BMPR1B: variants seen among roughly 807,000 people sequenced by gnomAD.
The protein encoded by BMPR1B is bone morphogenetic protein receptor type 1B.
Under a neutral mutation model 59.1 loss-of-function variants are expected in BMPR1B, and 12 were observed. The ratio of observed to expected loss-of-function variants is 0.20; its 90% CI spans 0.13 to 0.33. The LOEUF (loss-of-function observed/expected upper bound fraction) is 0.33. Ranked by LOEUF, BMPR1B falls within the 10% of genes least tolerant of loss-of-function variation. The pLI is 1.00. For missense variants in BMPR1B, 550 were observed against 610.9 expected (o/e 0.90, Z 1.05); for synonymous variants, 237 against 207.3 (o/e 1.14, Z -1.23).
intron 2 of BMPR1B, among the ~76,000 whole-genome samples, chr4:94,993,760 C>CAAAAAA (rs34395946): frequency 1.0e-4 from 7 of 68,548 alleles, no homozygotes; most frequent in Admixed American, 1.9e-4. Context: ...GACTCCATCT[C>CAAAAAA]AAAAAAAAAA....
intron 3 of BMPR1B, chr4:95,103,589 A>G (rs1730976937): frequency 1.6e-6 from 1 of 636,038 alleles, no homozygotes; most frequent in Non-Finnish European, 2.0e-6. Flanking sequence ...TTTGGTGTCT[A>G]TAATTATCTC....
At chr4:95,138,941 T>C (rs778833860) in intron 10 of BMPR1B, among the ~76,000 whole-genome samples, 8 of 152,214 alleles carry the variant, frequency 5.3e-5, no homozygotes, top group Non-Finnish European at 1.2e-4. Context: ...CCGTGCAGCT[T>C]TGTTCCATTG....
rs1353620674 is a variant in BMPR1B at position 95,120,669 on chromosome 4, CT to C, written c.350-3138del. On this transcript the variant is annotated intron_variant, in intron 6 of 12. Transcript: ENST00000515059. ...TCCTTCCTTTCCTTCCTTCCTTCTT[CT>C]TTCTTTTCTTTTCTTTCTTTCTTTC... is the stretch of plus-strand genomic sequence containing the variant. Among the ~76,000 whole-genome samples, 5 of 62,210 alleles carry C rather than the reference CT, an allele frequency of 8.0e-5. No homozygotes were observed. In the East Asian group the frequency reaches 1.4e-3, roughly 18 times the overall value. 40.8% of individuals were successfully genotyped at this position (62,210 alleles called of 152,430 possible). A position where few individuals can be genotyped will look rare whatever the true frequency, so the allele number is the denominator to read the frequency against.
intron 1 of BMPR1B, among the ~76,000 whole-genome samples, chr4:94,759,214 G>A (rs1292063899): frequency 6.6e-6 from 1 of 152,218 alleles, no homozygotes; most frequent in African/African-American, 2.4e-5. Context: ...TTTCCAGCAA[G>A]GTGAGGTCAG....
chr4:95,089,500 G>A (rs1729828207), intron 3 of BMPR1B, among the ~76,000 whole-genome samples: 1 of 152,186 alleles, frequency 6.6e-6, no homozygotes, highest in South Asian at 2.1e-4. Flanking sequence ...AAATTAACAA[G>A]GCTTTTAAAG....
intron 10 of BMPR1B, among the ~76,000 whole-genome samples, chr4:95,133,803 C>G (rs1184199054): frequency 6.6e-6 from 1 of 151,516 alleles, no homozygotes; most frequent in Non-Finnish European, 1.5e-5. Flanking sequence ...CTCCTGGACT[C>G]AAGTGATCTT....
intron 1 of BMPR1B, among the ~76,000 whole-genome samples, chr4:94,796,040 C>T (rs988687386): frequency 2.4e-4 from 36 of 151,568 alleles, no homozygotes; most frequent in Non-Finnish European, 5.1e-4. Context: ...TCTCGGCTTA[C>T]TGCAACCTCT....
intron 1 of BMPR1B, among the ~76,000 whole-genome samples, chr4:94,775,237 T>C (rs1657320553): frequency 6.6e-6 from 1 of 152,172 alleles, no homozygotes; most frequent in African/African-American, 2.4e-5. Flanking sequence ...TGTTCTTTAT[T>C]TTTAGATGTC....
At chr4:94,973,863 G>A (rs1424005063) in intron 2 of BMPR1B, among the ~76,000 whole-genome samples, 1 of 152,120 alleles carries the variant, frequency 6.6e-6, no homozygotes, top group African/African-American at 2.4e-5. Context: ...TTCATTTACT[G>A]AATTCAGAAT....
intron 1 of BMPR1B, among the ~76,000 whole-genome samples, chr4:94,777,539 TATTA>T (rs1327385541): frequency 7.2e-5 from 11 of 152,318 alleles, no homozygotes; most frequent in African/African-American, 2.6e-4. Context: ...GGAAAAAAGC[TATTA>T]ATTCATACAG....
intron 2 of BMPR1B, among the ~76,000 whole-genome samples, chr4:94,891,863 A>G (rs1192167085): frequency 6.6e-6 from 1 of 152,110 alleles, no homozygotes; most frequent in Non-Finnish European, 1.5e-5. Context: ...CAGCATTTAT[A>G]TATTGAGGCT....
intron 2 of BMPR1B, among the ~76,000 whole-genome samples, chr4:94,900,610 G>A (rs1727774313): frequency 6.6e-6 from 1 of 151,962 alleles, no homozygotes; most frequent in Non-Finnish European, 1.5e-5. Context: ...TGATTATTTT[G>A]TTCAAGAGTA....
At chr4:94,934,423 T>G (rs919690344) in intron 2 of BMPR1B, among the ~76,000 whole-genome samples, 1 of 151,708 alleles carries the variant, frequency 6.6e-6, no homozygotes, top group Non-Finnish European at 1.5e-5. Flanking sequence ...GTTTCTGCCT[T>G]TAGGTCAGTG....
chr4:95,043,591 T>C (rs1725829371), intron 3 of BMPR1B, among the ~76,000 whole-genome samples: 1 of 152,338 alleles, frequency 6.6e-6, no homozygotes, highest in South Asian at 2.1e-4. Flanking sequence ...TTTTGTGATC[T>C]CTAGGTAAAT....
intron 3 of BMPR1B, among the ~76,000 whole-genome samples, chr4:95,063,110 G>T (rs144140168): frequency 2.2e-4 from 33 of 152,128 alleles, no homozygotes; most frequent in Non-Finnish European, 3.7e-4. Context: ...TGCTTTTAAT[G>T]AATCACCTTA....
intron 3 of BMPR1B, among the ~76,000 whole-genome samples, chr4:94,997,274 A>G (rs1164012847): frequency 6.6e-6 from 1 of 152,230 alleles, no homozygotes; most frequent in Non-Finnish European, 1.5e-5. Context: ...AATGAGATTG[A>G]TGCTGCTGTA....
chr4:94,825,163 G>A (rs965433254), intron 1 of BMPR1B, among the ~76,000 whole-genome samples: 1 of 151,976 alleles, frequency 6.6e-6, no homozygotes, highest in African/African-American at 2.4e-5. Context: ...ACATTCTGTG[G>A]TGGCCCCATC....
At chr4:94,985,094 T>C (rs545951250) in intron 2 of BMPR1B, among the ~76,000 whole-genome samples, 2 of 152,192 alleles carry the variant, frequency 1.3e-5, no homozygotes, top group African/African-American at 2.4e-5. Flanking sequence ...ATTTCTGTTA[T>C]GGGCAAAGGG....
At chr4:95,073,538 A>G (rs1728477142) in intron 3 of BMPR1B, among the ~76,000 whole-genome samples, 1 of 152,202 alleles carries the variant, frequency 6.6e-6, no homozygotes, top group Non-Finnish European at 1.5e-5. Context: ...AGAAGGCATT[A>G]TAAAGAGTTA....
Sources: gnomAD v4.1 joint callset for allele counts (sites outside exome capture counted in the v4.1 genomes callset) on GRCh38, gnomAD v4.1.1 for gene constraint, MANE v1.5 for transcripts, NCBI Gene and HGNC (gene_info 2026-07-23, HGNC 2026-07-21) for gene names.